Variants in GYS1 observed in about 807,000 individuals in gnomAD.
GYS1 encodes the protein glycogen [starch] synthase, muscle.
A neutral mutation model predicts 89.1 loss-of-function variants in GYS1; 60 were observed. That is an observed-to-expected ratio of 0.67 (90% confidence interval 0.55 to 0.84). The LOEUF (loss-of-function observed/expected upper bound fraction) is 0.84, where lower values mean the gene tolerates loss of function less well. GYS1 is among the 40% of genes least tolerant of loss of function. The probability of loss-of-function intolerance (pLI) is 0.00; values close to 1 mark genes in which losing one functional copy is unlikely to be tolerated. For missense variants in GYS1, 888 were observed against 1,003.1 expected (o/e 0.89, Z 1.55); for synonymous variants, 366 against 401.7 (o/e 0.91, Z 1.06).
At chr19:48,979,707 C>G (rs62125991) in intron 8 of GYS1, among the ~76,000 whole-genome samples, 22 of 140,752 alleles carry the variant, frequency 1.6e-4, no homozygotes, top group Admixed American at 4.7e-4. Flanking sequence ...AGTGCATTGG[C>G]GCGATCTTGG....
At chr19:48,992,102 C>G (rs943657176) in intron 1 of GYS1, among the ~76,000 whole-genome samples, 5 of 152,136 alleles carry the variant, frequency 3.3e-5, no homozygotes, top group Non-Finnish European at 7.4e-5. Context: ...GCCCCAGCCC[C>G]CAGCCTCCTC....
chr19:48,985,698 G>A (rs1322142154), intron 4 of GYS1, 93 bp from the exon 5 acceptor site: 1 of 1,536,594 alleles, frequency 6.5e-7, no homozygotes, highest in South Asian at 1.1e-5. Context: ...TTGGTGCTGG[G>A]GGCTGGATTC....
chr19:48,969,613 T>A lies in GYS1; in HGVS notation c.1891-2A>T. ...CCGTGGGTAGCGGTACCCCTGGGCC[T>A]GCATACGGCGATGTGGGTGCAAACC... On this transcript the variant is annotated splice_acceptor_variant, in intron 15 of 15. Coordinates refer to ENST00000323798, the MANE Select transcript of GYS1 (RefSeq NM_002103.5). LOFTEE classifies it high-confidence loss of function. The A allele has an allele frequency of 6.5e-7, 1 of 1,541,910 alleles. No individual in the cohort carries two copies. Among genetic ancestry groups the A allele is most frequent in the Non-Finnish European group, 8.7e-7 (1 of 1,149,102 alleles).
chr19:48,972,789 T>C (rs932656138), intron 12 of GYS1, among the ~76,000 whole-genome samples: 3 of 152,106 alleles, frequency 2.0e-5, no homozygotes, highest in African/African-American at 7.2e-5. Context: ...TGATCTATAA[T>C]TCTTATGTAA....
At chr19:48,970,215 C>T (rs928276873) in intron 14 of GYS1, 9 of 445,640 alleles carry the variant, frequency 2.0e-5, no homozygotes, top group Non-Finnish European at 3.3e-5. Context: ...GCCTCAACCT[C>T]CGGGGCTCAA....
At chr19:48,982,569 C>G in intron 6 of GYS1, 151 bp downstream of exon 6, 2 of 852,584 alleles carry the variant, frequency 2.3e-6, no homozygotes, top group Non-Finnish European at 3.9e-6. Flanking sequence ...GCCCATTGTT[C>G]CAGCGCTCAA....
rs886054565 is a variant in GYS1, at chr19:48,968,463, TA to T, written c.*824del. 9.0e-5 allele frequency: 41 copies of T among 454,252 alleles called. No homozygotes were observed. The highest frequency in any genetic ancestry group is 1.6e-4 in the Non-Finnish European group (36 of 226,756). 28.1% of individuals were successfully genotyped at this position (454,252 alleles called of 1,614,324 possible). A position where few individuals can be genotyped will look rare whatever the true frequency, so the allele number is the denominator to read the frequency against. On this transcript the variant is annotated 3_prime_UTR_variant, in exon 16 of 16. Coordinates refer to ENST00000323798, the MANE Select transcript of GYS1 (RefSeq NM_002103.5). ...CAGAGCAGTTGGGAATAAGCCAGGT[TA>T]GGGGTGGGGGAAGACAGCCAGCTCT... is the stretch of plus-strand genomic sequence containing the variant.
At position 48,969,172 on chromosome 19, in the gene GYS1, G is replaced by C; in HGVS notation, c.*116C>G. ...GGAGTGTTTGGCGGACTGGGTGGGG[G>C]CACTGCGGGGCCACACCCAGTGCAG... On this transcript the variant is annotated 3_prime_UTR_variant, in exon 16 of 16. Transcript: ENST00000323798. 1.1e-6 allele frequency: 1 copy of C among 904,728 alleles called. No homozygotes were observed. The allele number at this position is 904,728 out of a possible 1,614,324, so 56.0% of individuals were successfully genotyped here.
intron 8 of GYS1, among the ~76,000 whole-genome samples, chr19:48,981,092 G>A (rs1406758892): frequency 1.4e-5 from 2 of 145,810 alleles, no homozygotes; most frequent in African/African-American, 2.6e-5. Context: ...CAGCTTGGGC[G>A]ACAGAGCAAA....
At chr19:48,973,086 T>C (rs1198031036) in intron 12 of GYS1, among the ~76,000 whole-genome samples, 1 of 152,124 alleles carries the variant, frequency 6.6e-6, no homozygotes, top group Non-Finnish European at 1.5e-5. Context: ...AGGGAAATGA[T>C]TGGATTACGG....
Position 48,985,914 on chromosome 19 carries a change from T to C in GYS1, c.614A>G (p.His205Arg). ...RLPVATIFTT[H>R]ATLLGRYLCA... The stretch of plus-strand genomic sequence containing the variant: ...CAGGTAGCGCCCCAGCAGCGTGGCA[T>C]GGGTGGTGAAGATGGTTGCTACAGG... The change falls in exon 4 of 16, where the codon CAT becomes CGT. Residue 205 changes from histidine to arginine, a missense_variant. Physicochemically the swap from His to Arg is conservative, Grantham distance 29 (BLOSUM62 0). Transcript: ENST00000323798. The C allele has an allele frequency of 6.2e-7, 1 of 1,614,114 alleles. No homozygotes were observed. Among genetic ancestry groups the C allele is most frequent in the Non-Finnish European group, 8.5e-7 (1 of 1,180,028 alleles).
rs768930176 is a variant in GYS1, at chr19:48,974,634, C to G, written c.1408G>C (p.Ala470Pro). Residue 470 changes from alanine to proline, a missense_variant, in exon 11 of 16, where the codon GCC becomes CCC. Physicochemically the swap from Ala to Pro is conservative, Grantham distance 27 (BLOSUM62 -1). Transcript: ENST00000323798. Reference sequence around the variant, plus strand: ...AATGCCCTCACCTTCACCCTGTCGGCACTGCTATTGAAGAGGCCGATTCGG... The same window carrying G: ...AATGCCCTCACCTTCACCCTGTCGGGACTGCTATTGAAGAGGCCGATTCGG... ...IRRIGLFNSS[A>P]DRVKVIFHPE... is the part of the protein sequence containing the mutation. 6.2e-7 allele frequency: 1 copy of G among 1,613,040 alleles called. No individual in the cohort carries two copies. Among genetic ancestry groups the G allele is most frequent in the Non-Finnish European group, 8.5e-7 (1 of 1,179,002 alleles).
intron 2 of GYS1, among the ~76,000 whole-genome samples, chr19:48,989,613 CAG>C (rs1568625962): frequency 6.6e-6 from 1 of 151,990 alleles, no homozygotes; most frequent in Non-Finnish European, 1.5e-5. Context: ...TTAGTAGAGA[CAG>C]AGTTTCGCCA....
chr19:48,977,961 T>C lies in GYS1; in HGVS notation c.1271A>G (p.Asp424Gly), dbSNP rs1195642081. 4 of 1,613,872 alleles carry C rather than the reference T, an allele frequency of 2.5e-6. No homozygotes were observed. Among genetic ancestry groups the C allele is most frequent in the Non-Finnish European group, 2.5e-6 (3 of 1,179,956 alleles). Residue 424 changes from aspartate (D) to glycine (G), a missense_variant, in exon 10 of 16, where the codon GAC becomes GGC. Transcript: ENST00000323798. The stretch of plus-strand genomic sequence containing the variant: ...GATGGCTCTCTTCATCATAGTGAAG[T>C]CTTCCTTATCCAGCATCTTGTTCAT... ...PDMNKMLDKEDFTMMKRAIFA... is the reference protein window; with the variant it reads ...PDMNKMLDKEGFTMMKRAIFA...
At chr19:48,989,073 CTCCCTCCT>C (rs1478018611) in intron 2 of GYS1, among the ~76,000 whole-genome samples, 1 of 151,856 alleles carries the variant, frequency 6.6e-6, no homozygotes, top group African/African-American at 2.4e-5. Flanking sequence ...CCTTCCCTCT[CTCCCTCCT>C]TCCCTCCCTC....
In GYS1 at chr19:48,978,099, C is replaced by T. The variant is rs1437048615; in HGVS notation, c.1228G>A (p.Val410Ile). 6.2e-7 allele frequency: 1 copy of T among 1,613,718 alleles called. No individual in the cohort carries two copies. The highest frequency in any genetic ancestry group is 1.7e-5 in the Admixed American group (1 of 60,008). The change falls in exon 9 of 16, where the codon GTT (valine) becomes ATT (isoleucine). Residue 410 changes from valine (V) to isoleucine (I), a missense_variant and splice_region_variant. Transcript: ENST00000323798. ...CAGGGCTGAGGGTGGGGCACTCACA[C>T]CAGTAAGGATTCATAAAGCTTCCTC... The part of the protein sequence containing the change: ...FGRKLYESLL[V>I]GSLPDMNKML...
At chr19:48,974,586 C>G (rs374132163) in intron 11 of GYS1, 34 bp downstream of exon 11, 70 of 1,441,668 alleles carry the variant, frequency 4.9e-5, no homozygotes, top group Non-Finnish European at 6.2e-5. Flanking sequence ...TTCCCTCTGC[C>G]GTGCCCAACC....
chr19:48,980,172 C>T (rs752801728), intron 8 of GYS1, among the ~76,000 whole-genome samples: 3 of 152,148 alleles, frequency 2.0e-5, no homozygotes, highest in African/African-American at 4.8e-5. Flanking sequence ...AATCATGCCT[C>T]GGGGCCTTCG....
chr19:48,972,235 G>A (rs2038577412), intron 12 of GYS1, among the ~76,000 whole-genome samples: 1 of 151,950 alleles, frequency 6.6e-6, no homozygotes, highest in South Asian at 2.1e-4. Flanking sequence ...CTACTCTGGA[G>A]GCTGAGGCAG....
Sources: allele counts gnomAD v4.1 joint callset (sites outside exome capture counted in the v4.1 genomes callset), GRCh38; gene constraint gnomAD v4.1.1; transcripts MANE v1.5; gene names NCBI Gene and HGNC (gene_info 2026-07-23, HGNC 2026-07-21).